The following ZNF730 variants were observed in gnomAD, a reference collection of about 807,000 sequenced individuals.
ZNF730 encodes zinc finger protein 730, also known as putative zinc finger protein 730.
In ZNF730, 12 loss-of-function variants were observed where a neutral mutation model predicts 12.6. That is an observed-to-expected ratio of 0.95 (90% CI 0.61 to 1.54). The LOEUF (loss-of-function observed/expected upper bound fraction) is 1.54. Among genes scored for constraint, ZNF730 ranks in the 40% most tolerant of loss-of-function variants. The probability of loss-of-function intolerance (pLI) is 0.00; values close to 1 mark genes in which losing one functional copy is unlikely to be tolerated. For synonymous variants in ZNF730, 194 were observed against 195.8 expected (o/e 0.99, Z 0.08); for missense variants, 643 against 583.5 (o/e 1.10, Z -1.05).
intron 1 of ZNF730, among the ~76,000 whole-genome samples, chr19:23,117,746 T>C (rs1288668548): frequency 6.6e-6 from 1 of 152,204 alleles, no homozygotes; most frequent in Non-Finnish European, 1.5e-5. Flanking sequence ...TACAGTTACA[T>C]AGTTTCTAAA....
intron 2 of ZNF730, among the ~76,000 whole-genome samples, chr19:23,135,556 G>A (rs148388910): frequency 0.039 from 5,990 of 151,718 alleles, 132 homozygotes; most frequent in East Asian, 0.11. Context: ...TGTCACCCAG[G>A]CTGGAGTGCA....
chr19:23,115,136 TA>T (rs10716674), upstream of ZNF730, among the ~76,000 whole-genome samples: 142,101 of 147,054 alleles, frequency 0.97, 68,668 homozygotes, highest in East Asian at 0.99. Context: ...GGCACAAATC[TA>T]AAAAAAAAAA....
At chr19:23,114,305 CTT>C (rs869304180), upstream of ZNF730, among the ~76,000 whole-genome samples, 1 of 103,508 alleles carries the variant, frequency 9.7e-6, no homozygotes, top group Non-Finnish European at 2.0e-5. Flanking sequence ...TTTTTCTTTT[CTT>C]TTTTTTTTTT....
At chr19:23,122,424 T>G (rs1237029226) in intron 1 of ZNF730, among the ~76,000 whole-genome samples, 1 of 152,194 alleles carries the variant, frequency 6.6e-6, no homozygotes, top group Non-Finnish European at 1.5e-5. Context: ...ATTACAAGCG[T>G]GAGCCACCAC....
intron 1 of ZNF730, among the ~76,000 whole-genome samples, chr19:23,108,261 A>G (rs1309631226): frequency 6.6e-6 from 1 of 151,992 alleles, no homozygotes; most frequent in Non-Finnish European, 1.5e-5. Context: ...CCCAGGTTCA[A>G]CTCAAGCAAT....
At chr19:23,076,985 AC>A (rs1283652971) in intron 1 of ZNF730, among the ~76,000 whole-genome samples, 1 of 152,200 alleles carries the variant, frequency 6.6e-6, no homozygotes, top group African/African-American at 2.4e-5. Context: ...GTACATATAC[AC>A]CATGGGATAT....
chr19:23,135,661 C>A (rs1970820148), intron 2 of ZNF730, among the ~76,000 whole-genome samples: 1 of 151,904 alleles, frequency 6.6e-6, no homozygotes, highest in Non-Finnish European at 1.5e-5. Flanking sequence ...CAGGCGTGTG[C>A]CACCACACCT....
At chr19:23,127,659 C>G (rs1568313272) in intron 1 of ZNF730, 2 of 1,182,112 alleles carry the variant, frequency 1.7e-6, no homozygotes, top group East Asian at 4.7e-5. Context: ...GTGAATTTTA[C>G]TTTATTCCGC....
In ZNF730 at chr19:23,117,177, G is replaced by A. The variant is rs374997446; in HGVS notation, c.3+1G>A. ...AGGGCCCCCTGGAAGCCTAGAAATG[G>A]TGAGAGTGCCGGTCCGACATCCCGA... On this transcript the variant is annotated splice_donor_variant, in intron 1 of 3. Transcript: ENST00000597761. LOFTEE classifies it high-confidence loss of function. The A allele has an allele frequency of 3.4e-5, 55 of 1,613,996 alleles. No individual in the cohort carries two copies. In the East Asian group the frequency reaches 7.4e-4, roughly 22 times the overall value.
intron 1 of ZNF730, among the ~76,000 whole-genome samples, chr19:23,083,504 T>C (rs1970002985): frequency 6.6e-6 from 1 of 152,096 alleles, no homozygotes; most frequent in Non-Finnish European, 1.5e-5. Context: ...TCGAGGAACC[T>C]CCATACTATT....
rs1389542688 is a variant in ZNF730 at position 23,117,766 on chromosome 19, T to C, written c.3+590T>C. ...TTACATAGTTTCTAAATTTGCACCT[T>C]GAGCGTACAAATTTTCTGGTTATGT... On this transcript the variant is annotated intron_variant, in intron 1 of 3. Coordinates refer to ENST00000597761, the MANE Select transcript of ZNF730 (RefSeq NM_001277403.2). Among the ~76,000 whole-genome samples, 4 of 152,296 alleles carry C rather than the reference T, an allele frequency of 2.6e-5. No individual in the cohort carries two copies. In the East Asian group the frequency reaches 7.7e-4, roughly 29 times the overall value.
chr19:23,132,344 G>A (rs531303291), intron 1 of ZNF730, among the ~76,000 whole-genome samples: 30 of 152,266 alleles, frequency 2.0e-4, no homozygotes, highest in Non-Finnish European at 1.5e-5. Context: ...ATGCCTTGGA[G>A]TAAGGGTTGT....
At chr19:23,134,385 TG>T (rs1232166893) in intron 2 of ZNF730, among the ~76,000 whole-genome samples, 179 bp downstream of exon 2, 2 of 104,196 alleles carry the variant, frequency 1.9e-5, no homozygotes, top group African/African-American at 3.7e-5. Flanking sequence ...GGGAGGGAGG[TG>T]GGGGGGTCAG....
intron 1 of ZNF730, chr19:23,124,071 C>T (rs1185706631): frequency 1.3e-5 from 2 of 152,270 alleles, no homozygotes; most frequent in Admixed American, 6.5e-5. Context: ...CTCCCTGCAG[C>T]GCAGGCTCCA....
At chr19:23,084,787 T>C in intron 1 of ZNF730, among the ~76,000 whole-genome samples, 1 of 152,006 alleles carries the variant, frequency 6.6e-6, no homozygotes, top group Non-Finnish European at 1.5e-5. Context: ...GCAAAGGACA[T>C]GATCTCATTC....
upstream of ZNF730, among the ~76,000 whole-genome samples, chr19:23,116,771 A>G (rs1970532052): frequency 6.6e-6 from 1 of 152,172 alleles, no homozygotes; most frequent in Non-Finnish European, 1.5e-5. Context: ...TTATAAATAC[A>G]TATGATCTTA....
chr19:23,136,083 A>T, intron 3 of ZNF730, 40 bp downstream of exon 3: 1 of 1,371,298 alleles, frequency 7.3e-7, no homozygotes, highest in Non-Finnish European at 9.6e-7. Flanking sequence ...CTGATAAGAG[A>T]TCTATAGTTT....
chr19:23,104,309 A>C (rs1970367535), intron 1 of ZNF730, among the ~76,000 whole-genome samples: 1 of 151,852 alleles, frequency 6.6e-6, no homozygotes. Flanking sequence ...CTCAAAAAAA[A>C]AAAAAAAAAA....
intron 1 of ZNF730, among the ~76,000 whole-genome samples, chr19:23,092,480 T>C (rs1970175259): frequency 6.6e-6 from 1 of 152,024 alleles, no homozygotes; most frequent in South Asian, 2.1e-4. Context: ...TCCCAGCTAC[T>C]TGGGAGGCTG....
Sources: allele counts gnomAD v4.1 joint callset (sites outside exome capture counted in the v4.1 genomes callset), GRCh38; gene constraint gnomAD v4.1.1; transcripts MANE v1.5; gene names NCBI Gene and HGNC (gene_info 2026-07-23, HGNC 2026-07-21).